Variants in TBCD observed in about 807,000 individuals in gnomAD.
TBCD encodes the protein tubulin-specific chaperone D.
In TBCD, 105 loss-of-function variants were observed where a neutral mutation model predicts 169.3. That is an observed-to-expected ratio of 0.62 (90% confidence interval 0.53 to 0.73). The LOEUF is 0.73. TBCD is among the 30% of genes least tolerant of loss of function. The probability of loss-of-function intolerance (pLI) is 0.00; values close to 1 mark genes in which losing one functional copy is unlikely to be tolerated. For missense variants in TBCD, 1,444 were observed against 1,600.1 expected, an observed-to-expected ratio of 0.90 and a Z score of 1.66; for synonymous variants, 700 against 643.9, an observed-to-expected ratio of 1.09 and a Z score of -1.32.
chr17:82,916,681 C>G (rs992808183), intron 23 of TBCD, among the ~76,000 whole-genome samples: 1 of 152,152 alleles, frequency 6.6e-6, no homozygotes, highest in South Asian at 2.1e-4. Flanking sequence ...TGGAGACAAT[C>G]TTTTAAGTTT....
At chr17:82,819,840 A>C (rs1336502424) in intron 13 of TBCD, among the ~76,000 whole-genome samples, 1 of 151,826 alleles carries the variant, frequency 6.6e-6, no homozygotes. Flanking sequence ...CTCTTTGAAC[A>C]CCTCTGTTGT....
intron 5 of TBCD, among the ~76,000 whole-genome samples, chr17:82,770,252 A>G (rs2048235623): frequency 6.6e-6 from 1 of 152,196 alleles, no homozygotes; most frequent in Non-Finnish European, 1.5e-5. Context: ...CTAATTTAAA[A>G]TTCTCTCTGA....
chr17:82,850,470 G>A (rs1339764169), intron 13 of TBCD, among the ~76,000 whole-genome samples: 2 of 149,452 alleles, frequency 1.3e-5, no homozygotes, highest in Admixed American at 1.3e-4. Flanking sequence ...CTGTGCTGTT[G>A]TTGGCTGTGC....
At chr17:82,883,227 G>C (rs1232719964) in intron 14 of TBCD, among the ~76,000 whole-genome samples, 1 of 152,274 alleles carries the variant, frequency 6.6e-6, no homozygotes, top group Non-Finnish European at 1.5e-5. Flanking sequence ...TGGAAACCAG[G>C]AACCTCGGAG....
chr17:82,853,080 A>T (rs1014713454), intron 13 of TBCD, among the ~76,000 whole-genome samples: 51 of 151,464 alleles, frequency 3.4e-4, no homozygotes, highest in Non-Finnish European at 6.2e-4. Context: ...CTTTTTTTTT[A>T]AATTAATTTA....
chr17:82,940,244 C>CACACACA (rs1055403898), intron 37 of TBCD, among the ~76,000 whole-genome samples: 1 of 150,812 alleles, frequency 6.6e-6, no homozygotes, highest in African/African-American at 2.4e-5. Context: ...CACACACACA[C>CACACACA]ACTTCTAAAA....
intron 13 of TBCD, chr17:82,830,077 T>C: frequency 6.2e-7 from 1 of 1,607,664 alleles, no homozygotes; most frequent in South Asian, 1.1e-5. Flanking sequence ...AGAGGTGTTG[T>C]AGCTTGCCAC....
intron 13 of TBCD, among the ~76,000 whole-genome samples, chr17:82,853,254 A>AT (rs202090584): frequency 0.01 from 1,537 of 150,964 alleles, 32 homozygotes; most frequent in African/African-American, 0.035. Flanking sequence ...TAATTGTCGT[A>AT]TTTTTTTTCT....
In TBCD at chr17:82,874,131, G is replaced by T. The variant is rs1000417165; in HGVS notation, c.1475+3751G>T. On this transcript the variant is annotated intron_variant, in intron 14 of 38. Transcript: ENST00000355528. This position sits in a 1 kb window ranked among gnomAD's most constrained non-coding sequence, Gnocchi z 5.0. ...TGCTGTGGGGTGCTCCCTGGGGGTT[G>T]TGTGTGTGTGGGTCCCACGGTGGGA... Among the ~76,000 whole-genome samples, 12 of 152,090 alleles carry T rather than the reference G, an allele frequency of 7.9e-5. No homozygotes were observed. Among genetic ancestry groups the T allele is most frequent in the East Asian group, 3.9e-4 (2 of 5,190 alleles).
chr17:82,815,482 G>T (rs1023177516), intron 13 of TBCD, among the ~76,000 whole-genome samples: 2 of 152,358 alleles, frequency 1.3e-5, no homozygotes, highest in Middle Eastern at 3.4e-3. Context: ...AGGGCCAGGG[G>T]AGCTCTGCAG....
intron 13 of TBCD, chr17:82,859,882 G>A: frequency 1.0e-6 from 1 of 985,444 alleles, no homozygotes; most frequent in Non-Finnish European, 1.2e-6. Context: ...CTGGGTTGGA[G>A]ACAGGGAGCA....
At chr17:82,756,804 GTTTATTAT>G (rs1373256388) in intron 2 of TBCD, among the ~76,000 whole-genome samples, 1 of 152,070 alleles carries the variant, frequency 6.6e-6, no homozygotes, top group Non-Finnish European at 1.5e-5. Context: ...GTTTACATTA[GTTTATTAT>G]TTTAGTTTAC....
Position 82,814,913 on chromosome 17 carries a change from C to A in TBCD, c.1297C>A (p.Leu433Met). Residue 433 changes from leucine to methionine, a missense_variant, in exon 13 of 39, where the codon CTG becomes ATG. Leu to Met is a conservative substitution (Grantham distance 15). Transcript: ENST00000355528. Reference sequence around the variant, plus strand: ...AGAGCTGGGCAGGAGAGGCCTGTTGCTGCCGTCTCGACTCGTGGATGGTGA... The same window carrying A: ...AGAGCTGGGCAGGAGAGGCCTGTTGATGCCGTCTCGACTCGTGGATGGTGA... ...LAELGRRGLL[L>M]PSRLVDVVAV... The A allele has an allele frequency of 6.2e-7, 1 of 1,612,498 alleles. No homozygotes were observed. The highest frequency in any genetic ancestry group is 8.5e-7 in the Non-Finnish European group (1 of 1,179,446).
chr17:82,797,943 G>A (rs2050218344), intron 8 of TBCD, 141 bp downstream of exon 8: 1 of 232,762 alleles, frequency 4.3e-6, no homozygotes, highest in East Asian at 7.9e-5. Flanking sequence ...TTTTTTTGTT[G>A]TGGGTTTTAG....
chr17:82,896,477 T>C (rs1309632970), intron 17 of TBCD, among the ~76,000 whole-genome samples: 7 of 109,564 alleles, frequency 6.4e-5, no homozygotes, highest in Non-Finnish European at 9.6e-5. Context: ...TTTTTTTTTT[T>C]CCTTTTGAGA....
intron 23 of TBCD, among the ~76,000 whole-genome samples, chr17:82,916,393 C>T (rs1056613617): frequency 4.6e-5 from 7 of 151,998 alleles, no homozygotes; most frequent in South Asian, 2.1e-4. Context: ...TACAGGCATG[C>T]GCCACCGTGG....
rs368208307 is a variant in TBCD, at chr17:82,939,481, G to A, written c.3479+5G>A. The A allele has an allele frequency of 6.2e-7, 1 of 1,611,070 alleles. No homozygotes were observed. The highest frequency in any genetic ancestry group is 1.7e-5 in the Admixed American group (1 of 59,818). ...TGTGCTCAGTGACACTGCGTGGTGA[G>A]TGAAGGCCCTTCCTGCACGGCCACC... On this transcript the variant is annotated splice_donor_5th_base_variant and intron_variant, in intron 37 of 38. Transcript: ENST00000355528.
chr17:82,856,120 G>T (rs866217982), intron 13 of TBCD, among the ~76,000 whole-genome samples: 9 of 146,992 alleles, frequency 6.1e-5, no homozygotes, highest in Admixed American at 2.8e-4. Flanking sequence ...TTACAGGCAT[G>T]AGCCTGAATC....
chr17:82,813,467 G>A (rs903710492), intron 12 of TBCD, among the ~76,000 whole-genome samples: 1 of 152,220 alleles, frequency 6.6e-6, no homozygotes, highest in Admixed American at 6.5e-5. Flanking sequence ...CCCCTGTCCG[G>A]TTCCACTGTG....
Sources: allele counts gnomAD v4.1 joint callset (sites outside exome capture counted in the v4.1 genomes callset), GRCh38; gene constraint gnomAD v4.1.1; non-coding constraint Gnocchi (gnomAD v3.1); transcripts MANE v1.5; gene names NCBI Gene and HGNC (gene_info 2026-07-23, HGNC 2026-07-21).